The following HSD17B12 variants were observed in gnomAD, a reference collection of about 807,000 sequenced individuals.
HSD17B12 encodes the protein hydroxysteroid 17-beta dehydrogenase 12.
HSD17B12 carries 32 observed loss-of-function variants against 39.3 expected under a neutral mutation model. The ratio of observed to expected loss-of-function variants is 0.81; its 90% CI spans 0.61 to 1.09. The LOEUF (loss-of-function observed/expected upper bound fraction) is 1.09. HSD17B12 is among the 50% of genes least tolerant of loss of function. HSD17B12 has a pLI of 0.00. For synonymous variants in HSD17B12, 150 were observed against 146.7 expected, an observed-to-expected ratio of 1.02 and a Z score of -0.16; for missense variants, 342 against 382.9, an observed-to-expected ratio of 0.89 and a Z score of 0.89.
intron 6 of HSD17B12, among the ~76,000 whole-genome samples, chr11:43,817,953 A>G (rs1951146077): frequency 6.6e-6 from 1 of 152,108 alleles, no homozygotes; most frequent in Non-Finnish European, 1.5e-5. Context: ...CATTTTCACA[A>G]TATTGATTCT....
At chr11:43,615,900 A>G in the HSD17B12 span, among the ~76,000 whole-genome samples, 1 of 152,240 alleles carries the variant, frequency 6.6e-6, no homozygotes, top group East Asian at 1.9e-4. Flanking sequence ...TTTTATAGAC[A>G]AAGAGCATGG....
intron 4 of HSD17B12, among the ~76,000 whole-genome samples, chr11:43,809,407 C>G (rs1388562016): frequency 1.3e-5 from 2 of 152,120 alleles, no homozygotes; most frequent in Non-Finnish European, 2.9e-5. Flanking sequence ...ATTCTTTTAG[C>G]TCAAAAATTT....
chr11:43,675,295 A>C, the HSD17B12 span, among the ~76,000 whole-genome samples: 3 of 152,362 alleles, frequency 2.0e-5, no homozygotes, highest in East Asian at 5.8e-4. Flanking sequence ...AGGTCAGGGA[A>C]TACCATTCTA....
intron 6 of HSD17B12, among the ~76,000 whole-genome samples, chr11:43,828,908 T>C (rs1269946744): frequency 1.3e-5 from 2 of 152,230 alleles, no homozygotes; most frequent in African/African-American, 4.8e-5. Context: ...ATATTAACGA[T>C]TTGTATATAC....
chr11:43,639,622 C>T, the HSD17B12 span, among the ~76,000 whole-genome samples: 4 of 151,886 alleles, frequency 2.6e-5, no homozygotes, highest in Non-Finnish European at 5.9e-5. Flanking sequence ...GGAACCTCTG[C>T]TTAGTACTTG....
At chr11:43,678,616 G>C (rs1237270167), upstream of HSD17B12, among the ~76,000 whole-genome samples, 1 of 152,096 alleles carries the variant, frequency 6.6e-6, no homozygotes, top group South Asian at 2.1e-4. Context: ...TTTGTATAAG[G>C]TGTAAGGAAG....
At chr11:43,705,697 CTGGTT>C (rs1950006230) in intron 1 of HSD17B12, among the ~76,000 whole-genome samples, 1 of 150,720 alleles carries the variant, frequency 6.6e-6, no homozygotes, top group Non-Finnish European at 1.5e-5. Flanking sequence ...TCAGATGCTC[CTGGTT>C]TGGGAAGTAT....
intron 1 of HSD17B12, among the ~76,000 whole-genome samples, chr11:43,692,986 A>T (rs1590664691): frequency 6.6e-6 from 1 of 152,226 alleles, no homozygotes; most frequent in Non-Finnish European, 1.5e-5. Flanking sequence ...TTTGTGAAAA[A>T]ACTTGAGAAA....
At chr11:43,612,503 T>A in the HSD17B12 span, among the ~76,000 whole-genome samples, 1 of 152,168 alleles carries the variant, frequency 6.6e-6, no homozygotes, top group African/African-American at 2.4e-5. Context: ...CATTTGTTCA[T>A]TTGACAATGG....
the HSD17B12 span, among the ~76,000 whole-genome samples, chr11:43,626,570 G>A: frequency 2.6e-5 from 4 of 151,560 alleles, no homozygotes; most frequent in Non-Finnish European, 5.9e-5. Flanking sequence ...TTTTTTAATA[G>A]ATGCTAAAAC....
the HSD17B12 span, among the ~76,000 whole-genome samples, chr11:43,637,096 T>C: frequency 6.6e-6 from 1 of 152,164 alleles, no homozygotes; most frequent in East Asian, 1.9e-4. Context: ...AAAGTTGTAG[T>C]ATTAAATATG....
At chr11:43,720,511 G>C (rs1309076668) in intron 1 of HSD17B12, among the ~76,000 whole-genome samples, 1 of 152,174 alleles carries the variant, frequency 6.6e-6, no homozygotes, top group Non-Finnish European at 1.5e-5. Context: ...GCTAACAACT[G>C]ACTTTCCACT....
At chr11:43,806,863 G>A (rs561406017) in intron 4 of HSD17B12, among the ~76,000 whole-genome samples, 76 of 152,214 alleles carry the variant, frequency 5.0e-4, no homozygotes, top group African/African-American at 1.7e-3. Flanking sequence ...AAAGATTTAA[G>A]GTTATAAGTA....
At chr11:43,649,588 A>G in the HSD17B12 span, among the ~76,000 whole-genome samples, 1 of 152,234 alleles carries the variant, frequency 6.6e-6, no homozygotes, top group Non-Finnish European at 1.5e-5. Context: ...AAAAATGGCA[A>G]TAAATAATGT....
At chr11:43,648,462 T>TTA in the HSD17B12 span, among the ~76,000 whole-genome samples, 1 of 152,116 alleles carries the variant, frequency 6.6e-6, no homozygotes, top group Non-Finnish European at 1.5e-5. Context: ...TCTTTTTCTG[T>TTA]TATTAACAGT....
chr11:43,596,083 G>T, the HSD17B12 span, among the ~76,000 whole-genome samples: 591 of 152,226 alleles, frequency 3.9e-3, 5 homozygotes, highest in African/African-American at 0.013. Context: ...TAGGGGAAAG[G>T]TCTCACTATG....
chr11:43,588,610 CTATTAT>C, the HSD17B12 span, among the ~76,000 whole-genome samples: 46 of 144,982 alleles, frequency 3.2e-4, no homozygotes, highest in South Asian at 8.9e-4. Flanking sequence ...TTATTATTAG[CTATTAT>C]TATTATTATT....
intron 3 of HSD17B12, among the ~76,000 whole-genome samples, chr11:43,781,664 T>C (rs1341480052): frequency 6.6e-5 from 10 of 152,066 alleles, no homozygotes; most frequent in East Asian, 5.8e-4. Flanking sequence ...TACATATATA[T>C]ACACACACAC....
the HSD17B12 span, among the ~76,000 whole-genome samples, chr11:43,600,090 T>C: frequency 6.6e-6 from 1 of 152,106 alleles, no homozygotes; most frequent in Non-Finnish European, 1.5e-5. Flanking sequence ...ATTTCCCTCA[T>C]TTTGATTTTT....
Sources: allele counts gnomAD v4.1 joint callset (sites outside exome capture counted in the v4.1 genomes callset), GRCh38; gene constraint gnomAD v4.1.1; transcripts MANE v1.5; gene names NCBI Gene and HGNC (gene_info 2026-07-23, HGNC 2026-07-21).